The following LARS2 variants were observed in gnomAD, a reference collection of about 807,000 sequenced individuals.
LARS2 encodes leucyl-tRNA synthetase 2, mitochondrial, also known as leucine--tRNA ligase, mitochondrial.
LARS2 carries 81 observed loss-of-function variants against 116.6 expected under a neutral mutation model. The observed-to-expected ratio is 0.69, with a 90% confidence interval of 0.58 to 0.84. LARS2 has a LOEUF of 0.84. Ranked by LOEUF, LARS2 falls within the 40% of genes least tolerant of loss-of-function variation. The pLI is 0.00. For synonymous variants in LARS2, 396 were observed against 407.2 expected (o/e 0.97, Z 0.33); for missense variants, 968 against 1,114.5 (o/e 0.87, Z 1.87).
intron 6 of LARS2, among the ~76,000 whole-genome samples, chr3:45,444,751 A>T: frequency 6.6e-6 from 1 of 150,714 alleles, no homozygotes; most frequent in Non-Finnish European, 1.5e-5. Context: ...CGGCTTAGAG[A>T]AAAAAACACA....
Position 45,415,847 on chromosome 3 carries a change from CA to C in LARS2, c.364-1621del, listed in dbSNP as rs386396517. On this transcript the variant is annotated intron_variant, in intron 4 of 21. Coordinates refer to ENST00000645846, the MANE Select transcript of LARS2 (RefSeq NM_015340.4). ...TGGGCAACAGAGCAAGACTCCATCT[CA>C]AAAAAAAAAAAAATATATATATATA... Among the ~76,000 whole-genome samples, 808 of 90,430 alleles carry C rather than the reference CA, an allele frequency of 8.9e-3. 9 individuals are homozygous for C. Among genetic ancestry groups the C allele is most frequent in the South Asian group, 0.019 (51 of 2,710 alleles). The allele number at this position is 90,430 out of a possible 152,430, so 59.3% of individuals were successfully genotyped here.
At chr3:45,520,626 C>A (rs1298645387) in intron 19 of LARS2, among the ~76,000 whole-genome samples, 6 of 152,144 alleles carry the variant, frequency 3.9e-5, no homozygotes, top group Admixed American at 2.0e-4. Context: ...TCTTTGCACC[C>A]CCGCTGTCTG....
At chr3:45,528,255 T>G (rs998997885) in intron 20 of LARS2, among the ~76,000 whole-genome samples, 4 of 152,174 alleles carry the variant, frequency 2.6e-5, no homozygotes, top group African/African-American at 7.2e-5. Context: ...GAGGATCACT[T>G]GAGCCCAGGA....
intron 6 of LARS2, among the ~76,000 whole-genome samples, chr3:45,433,029 A>G (rs1171678356): frequency 1.3e-5 from 2 of 152,038 alleles, no homozygotes; most frequent in Non-Finnish European, 2.9e-5. Context: ...ACTTTATAAT[A>G]TGTTAATATA....
chr3:45,510,992 C>T (rs1157983835), intron 15 of LARS2, among the ~76,000 whole-genome samples: 1 of 152,172 alleles, frequency 6.6e-6, no homozygotes, highest in Non-Finnish European at 1.5e-5. Context: ...TCTGTGCTTT[C>T]TGATTATATG....
At chr3:45,527,658 A>G (rs2578674) in intron 20 of LARS2, among the ~76,000 whole-genome samples, 137,513 of 151,950 alleles carry the variant, frequency 0.9, 63,795 homozygotes, top group East Asian at 1. Context: ...CTTTAGGGAG[A>G]TACACCTGAG....
intron 1 of LARS2, among the ~76,000 whole-genome samples, chr3:45,391,107 A>G (rs1697939157): frequency 6.6e-6 from 1 of 152,058 alleles, no homozygotes; most frequent in Non-Finnish European, 1.5e-5. Flanking sequence ...TTAGCATCAG[A>G]TTTATTAACA....
At chr3:45,516,728 C>T (rs1700373938) in intron 17 of LARS2, among the ~76,000 whole-genome samples, 1 of 152,180 alleles carries the variant, frequency 6.6e-6, no homozygotes, top group Non-Finnish European at 1.5e-5. Context: ...TTTTCTAGAA[C>T]AGTGTCATTC....
intron 15 of LARS2, among the ~76,000 whole-genome samples, chr3:45,511,183 G>T (rs1700284144): frequency 6.6e-6 from 1 of 152,182 alleles, no homozygotes; most frequent in Non-Finnish European, 1.5e-5. Context: ...AGACAGTCCA[G>T]AAGAGCTTCA....
At chr3:45,429,139 A>G (rs370978762) in intron 6 of LARS2, among the ~76,000 whole-genome samples, 2 of 152,350 alleles carry the variant, frequency 1.3e-5, no homozygotes, top group South Asian at 2.1e-4. Context: ...TGCTGCTACC[A>G]TAACAAATTA....
intron 20 of LARS2, among the ~76,000 whole-genome samples, chr3:45,527,989 C>G (rs1400920177): frequency 6.6e-6 from 1 of 152,186 alleles, no homozygotes; most frequent in Non-Finnish European, 1.5e-5. Flanking sequence ...ATCCCCTAAC[C>G]ATCACCCTCT....
At chr3:45,469,620 A>G (rs1276966336) in intron 8 of LARS2, among the ~76,000 whole-genome samples, 1 of 152,066 alleles carries the variant, frequency 6.6e-6, no homozygotes, top group East Asian at 1.9e-4. Flanking sequence ...CTGGGATTAC[A>G]GGGGTGAGTC....
chr3:45,524,626 A>T (rs1700507230), intron 20 of LARS2, among the ~76,000 whole-genome samples: 1 of 152,172 alleles, frequency 6.6e-6, no homozygotes, highest in African/African-American at 2.4e-5. Context: ...TCACATAATC[A>T]TCGAACTGGG....
At chr3:45,523,531 CTT>C (rs749617499) in intron 19 of LARS2, among the ~76,000 whole-genome samples, 21 of 140,154 alleles carry the variant, frequency 1.5e-4, no homozygotes, top group Admixed American at 4.3e-4. Context: ...GCTGCTGGAG[CTT>C]TTTTTTTTTT....
chr3:45,486,075 T>C (rs1699807216), intron 11 of LARS2, among the ~76,000 whole-genome samples: 1 of 151,942 alleles, frequency 6.6e-6, no homozygotes, highest in Non-Finnish European at 1.5e-5. Context: ...CTTGTACATA[T>C]GATACGAGGA....
At chr3:45,469,546 A>G (rs1699485933) in intron 8 of LARS2, among the ~76,000 whole-genome samples, 1 of 151,976 alleles carries the variant, frequency 6.6e-6, no homozygotes, top group Non-Finnish European at 1.5e-5. Flanking sequence ...GGGTTTCACC[A>G]TGTTGGTCAG....
chr3:45,420,473 C>T (rs1384576671), intron 6 of LARS2, among the ~76,000 whole-genome samples: 1 of 152,144 alleles, frequency 6.6e-6, no homozygotes, highest in Non-Finnish European at 1.5e-5. Context: ...CATTGCTGGG[C>T]CTGTCAAGTT....
At chr3:45,529,307 C>A in intron 20 of LARS2, among the ~76,000 whole-genome samples, 1 of 152,160 alleles carries the variant, frequency 6.6e-6, no homozygotes, top group East Asian at 1.9e-4. Flanking sequence ...TAGCTCACAC[C>A]TGTAATTTCA....
At chr3:45,407,504 TA>T (rs1698251119) in intron 4 of LARS2, among the ~76,000 whole-genome samples, 1 of 152,210 alleles carries the variant, frequency 6.6e-6, no homozygotes, top group African/African-American at 2.4e-5. Flanking sequence ...GCTTTGGGCC[TA>T]GGTACTGTCA....
Sources: gnomAD v4.1 joint callset for allele counts (sites outside exome capture counted in the v4.1 genomes callset) on GRCh38, gnomAD v4.1.1 for gene constraint, MANE v1.5 for transcripts, NCBI Gene and HGNC (gene_info 2026-07-23, HGNC 2026-07-21) for gene names.